VPS26C: variants seen among roughly 807,000 people sequenced by gnomAD.
VPS26C encodes vacuolar protein sorting-associated protein 26C.
A neutral mutation model predicts 30.6 loss-of-function variants in VPS26C; 19 were observed. That is an observed-to-expected ratio of 0.62 (90% confidence interval 0.43 to 0.91). The LOEUF (loss-of-function observed/expected upper bound fraction) is 0.91. Ranked by LOEUF, VPS26C falls within the 40% of genes least tolerant of loss-of-function variation. VPS26C has a pLI of 0.00. For synonymous variants in VPS26C, 132 were observed against 151.5 expected (o/e 0.87, Z 0.95); for missense variants, 318 against 385.1 (o/e 0.83, Z 1.46).
chr21:37,267,212 C>CAG, intron 1 of VPS26C, 26 bp downstream of exon 1: 1 of 1,092,266 alleles, frequency 9.2e-7, no homozygotes, highest in Non-Finnish European at 1.4e-6. Flanking sequence ...ACCCCACCTC[C>CAG]ATCCCCACCC....
At position 37,225,313 on chromosome 21, in the gene VPS26C, A is replaced by T; in HGVS notation, c.*231T>A. 1.8e-6 allele frequency: 1 copy of T among 558,920 alleles called. No homozygotes were observed. Among genetic ancestry groups the T allele is most frequent in the South Asian group, 2.3e-5 (1 of 43,592 alleles). The allele number at this position is 558,920 out of a possible 1,614,324, so 34.6% of individuals were successfully genotyped here. ...CTGTGAAATGGTCTTGGCAAATAGCATTAAGAAATCTTGTTGAATTTCAAA... is the reference window on the plus strand; with the variant it reads ...CTGTGAAATGGTCTTGGCAAATAGCTTTAAGAAATCTTGTTGAATTTCAAA... On this transcript the variant is annotated 3_prime_UTR_variant, in exon 8 of 8. Transcript: ENST00000309117.
At chr21:37,232,328 T>C (rs1033178375) in intron 5 of VPS26C, 49 bp downstream of exon 5, 6 of 1,544,048 alleles carry the variant, frequency 3.9e-6, no homozygotes, top group Non-Finnish European at 5.4e-6. Context: ...CCGTGGGGTC[T>C]GGCTGCTGGG....
chr21:37,250,803 G>A (rs1427180794), intron 1 of VPS26C, among the ~76,000 whole-genome samples: 2 of 151,584 alleles, frequency 1.3e-5, no homozygotes, highest in East Asian at 1.9e-4. Flanking sequence ...GGGAGGCTGA[G>A]GCAGAAGAAT....
At chr21:37,254,605 G>A (rs2086224139) in intron 1 of VPS26C, among the ~76,000 whole-genome samples, 2 of 152,158 alleles carry the variant, frequency 1.3e-5, no homozygotes, top group Non-Finnish European at 2.9e-5. Context: ...AAGGTCACAA[G>A]TTCAAGACCA....
intron 5 of VPS26C, 57 bp downstream of exon 5, chr21:37,232,320 G>C (rs935604290): frequency 6.8e-7 from 1 of 1,478,312 alleles, no homozygotes. Flanking sequence ...TAGCTAGTCC[G>C]TGGGGTCTGG....
chr21:37,239,076 C>T (rs1270594309), intron 2 of VPS26C, among the ~76,000 whole-genome samples: 1 of 152,168 alleles, frequency 6.6e-6, no homozygotes, highest in Non-Finnish European at 1.5e-5. Context: ...TGCAGCCGCT[C>T]AGGGAGAGCA....
intron 1 of VPS26C, among the ~76,000 whole-genome samples, chr21:37,251,492 G>T (rs1180720593): frequency 1.3e-5 from 2 of 152,088 alleles, no homozygotes; most frequent in African/African-American, 4.8e-5. Context: ...TAAAATTTAA[G>T]CTGTATATTG....
At chr21:37,246,128 G>A (rs2086135904) in intron 1 of VPS26C, among the ~76,000 whole-genome samples, 1 of 152,090 alleles carries the variant, frequency 6.6e-6, no homozygotes, top group South Asian at 2.1e-4. Context: ...AATATTTACT[G>A]TGATAATTCA....
At chr21:37,265,864 AG>A (rs2086353879) in intron 1 of VPS26C, among the ~76,000 whole-genome samples, 1 of 147,642 alleles carries the variant, frequency 6.8e-6, no homozygotes, top group South Asian at 2.2e-4. Context: ...GCTTGGCTAG[AG>A]GAGTGTGACT....
chr21:37,226,226 C>T lies in VPS26C; in HGVS notation c.812-600G>A, dbSNP rs1386153365. The T allele has an allele frequency of 1.3e-5, 2 of 153,748 alleles. No individual in the cohort carries two copies. The highest frequency in any genetic ancestry group is 2.0e-4 in the South Asian group (1 of 4,932). 9.5% of individuals were successfully genotyped at this position (153,748 alleles called of 1,614,324 possible). ...TGTGTGAAGAGGAAGCACCTGACGA[C>T]AAACAAGCACCATCTCCTTCCCCAG... On this transcript the variant is annotated intron_variant, in intron 7 of 7. Coordinates refer to ENST00000309117, the MANE Select transcript of VPS26C (RefSeq NM_006052.2). The surrounding 1 kb of genome is among the most constrained non-coding windows in gnomAD (Gnocchi z 4.1).
chr21:37,246,693 G>A (rs549104287), intron 1 of VPS26C, among the ~76,000 whole-genome samples: 60 of 152,308 alleles, frequency 3.9e-4, no homozygotes, highest in African/African-American at 1.4e-3. Flanking sequence ...CTAGAATCTA[G>A]GAAGTAGTAT....
chr21:37,254,376 T>A (rs780602109), intron 1 of VPS26C, among the ~76,000 whole-genome samples: 1 of 152,090 alleles, frequency 6.6e-6, no homozygotes, highest in Non-Finnish European at 1.5e-5. Flanking sequence ...CGCACTGTAA[T>A]CCCAACCCAC....
chr21:37,258,553 C>T (rs1602287309), intron 1 of VPS26C, among the ~76,000 whole-genome samples: 3 of 152,260 alleles, frequency 2.0e-5, no homozygotes, highest in Admixed American at 2.0e-4. Context: ...AAGTTTTCTC[C>T]TTTTTTCTTC....
chr21:37,267,917 C>G (rs954681551), upstream of VPS26C: 8 of 153,218 alleles, frequency 5.2e-5, no homozygotes, highest in African/African-American at 1.9e-4. Context: ...CTGCCCTTCC[C>G]GCGGGAGCGG....
At position 37,228,312 on chromosome 21, in the gene VPS26C, G is replaced by A. The variant is rs570071918; in HGVS notation, c.569C>T (p.Thr190Met). 3.8e-5 allele frequency: 61 copies of A among 1,614,220 alleles called. 1 individual carries two copies. In the South Asian group the frequency reaches 5.8e-4, roughly 15 times the overall value. The part of the protein sequence containing the change: ...GHLNSTNCVI[T>M]QPLTGELVVE... ...CACCAGCTCTCCCGTTAGTGGCTGC[G>A]TGATGACACAGTTTGTTGAGTTGAG... Residue 190 changes from threonine to methionine, a missense_variant, in exon 6 of 8, where the codon ACG becomes ATG. Physicochemically the swap from Thr to Met is moderately conservative, Grantham distance 81. Coordinates refer to ENST00000309117, the MANE Select transcript of VPS26C (RefSeq NM_006052.2).
intron 3 of VPS26C, chr21:37,238,251 T>G (rs550639421): frequency 3.6e-6 from 2 of 554,040 alleles, no homozygotes; most frequent in East Asian, 3.3e-5. Flanking sequence ...ACAGCACGAG[T>G]GCCTTGAGGC....
At position 37,233,348 on chromosome 21, in the gene VPS26C, C is replaced by T. The variant is rs773740049; in HGVS notation, c.432+14G>A. On this transcript the variant is annotated intron_variant, in intron 4 of 7. Coordinates refer to ENST00000309117, the MANE Select transcript of VPS26C (RefSeq NM_006052.2). This position sits in a 1 kb window ranked among gnomAD's most constrained non-coding sequence, Gnocchi z 5.2. Reference sequence around the variant, plus strand: ...TCCTATCATTAAGCACCAGAGTCCCCGAGTGAAGCTTACAGCGGAGTGAAC... The same window carrying T: ...TCCTATCATTAAGCACCAGAGTCCCTGAGTGAAGCTTACAGCGGAGTGAAC... 1.3e-5 allele frequency: 21 copies of T among 1,611,482 alleles called. No homozygotes were observed. Among genetic ancestry groups the T allele is most frequent in the Middle Eastern group, 3.3e-4 (2 of 6,080 alleles).
intron 1 of VPS26C, among the ~76,000 whole-genome samples, chr21:37,251,917 C>T (rs2148301578): frequency 6.6e-6 from 1 of 152,288 alleles, no homozygotes; most frequent in South Asian, 2.1e-4. Flanking sequence ...AAGTAAAAGC[C>T]TCTCAACGCC....
At chr21:37,263,204 C>T (rs1569243425) in intron 1 of VPS26C, among the ~76,000 whole-genome samples, 1 of 152,096 alleles carries the variant, frequency 6.6e-6, no homozygotes, top group Admixed American at 6.5e-5. Flanking sequence ...CTGGTGTCCA[C>T]AGAATCAAGC....
Sources: allele counts gnomAD v4.1 joint callset (sites outside exome capture counted in the v4.1 genomes callset), GRCh38; gene constraint gnomAD v4.1.1; non-coding constraint Gnocchi (gnomAD v3.1); transcripts MANE v1.5; gene names NCBI Gene and HGNC (gene_info 2026-07-23, HGNC 2026-07-21).